The following LRRC8B variants were observed in gnomAD, a reference collection of about 807,000 sequenced individuals.
The protein encoded by LRRC8B is volume-regulated anion channel subunit LRRC8B.
LRRC8B carries 23 observed loss-of-function variants against 58.8 expected under a neutral mutation model. That is an observed-to-expected ratio of 0.39 (90% CI 0.28 to 0.55). The LOEUF (loss-of-function observed/expected upper bound fraction) is 0.55, where lower values mean the gene tolerates loss of function less well. LRRC8B is among the 20% of genes least tolerant of loss of function. The pLI, the probability that LRRC8B is intolerant of heterozygous loss-of-function variation, is 0.62. For missense variants in LRRC8B, 694 were observed against 936.0 expected, an observed-to-expected ratio of 0.74 and a Z score of 3.37; for synonymous variants, 359 against 374.1, an observed-to-expected ratio of 0.96 and a Z score of 0.47.
intron 1 of LRRC8B, among the ~76,000 whole-genome samples, chr1:89,543,499 ATT>A (rs879506629): frequency 2.8e-5 from 4 of 145,270 alleles, no homozygotes; most frequent in African/African-American, 7.5e-5. Context: ...TGAAAAACTG[ATT>A]TTTTTTTTTT....
At chr1:89,552,870 A>G (rs1391363215) in intron 1 of LRRC8B, among the ~76,000 whole-genome samples, 1 of 152,186 alleles carries the variant, frequency 6.6e-6, no homozygotes, top group African/African-American at 2.4e-5. Flanking sequence ...AATTCCTTTT[A>G]TTACTTCCTT....
chr1:89,528,930 A>G (rs1252255271), intron 1 of LRRC8B, among the ~76,000 whole-genome samples: 1 of 152,230 alleles, frequency 6.6e-6, no homozygotes, highest in Non-Finnish European at 1.5e-5. Flanking sequence ...ACTTAGTAAC[A>G]TGACCTCAGG....
chr1:89,527,405 T>C (rs1649780621), intron 1 of LRRC8B, among the ~76,000 whole-genome samples: 1 of 152,222 alleles, frequency 6.6e-6, no homozygotes, highest in Non-Finnish European at 1.5e-5. Context: ...TGTCATGTTA[T>C]TACACACTTG....
chr1:89,587,586 A>C (rs1380550238), intron 5 of LRRC8B, among the ~76,000 whole-genome samples: 2 of 152,208 alleles, frequency 1.3e-5, no homozygotes, highest in African/African-American at 2.4e-5. Context: ...TTAGACATGC[A>C]TATACAAAGA....
At chr1:89,591,856 C>T (rs115321689) in intron 5 of LRRC8B, among the ~76,000 whole-genome samples, 6 of 152,118 alleles carry the variant, frequency 3.9e-5, no homozygotes, top group Non-Finnish European at 7.4e-5. Context: ...TAGGTGGCCC[C>T]TGTCCCCAGC....
chr1:89,527,187 T>G (rs1490499720), intron 1 of LRRC8B, among the ~76,000 whole-genome samples: 2 of 152,252 alleles, frequency 1.3e-5, no homozygotes, highest in Non-Finnish European at 2.9e-5. Flanking sequence ...AGGGTTTTTG[T>G]TTTTGTATTT....
At chr1:89,546,202 G>A (rs1214024671) in intron 1 of LRRC8B, among the ~76,000 whole-genome samples, 1 of 152,154 alleles carries the variant, frequency 6.6e-6, no homozygotes, top group Non-Finnish European at 1.5e-5. Context: ...TTGATGGTGG[G>A]GGAGGATTTG....
At chr1:89,569,684 T>C (rs1653303727) in intron 3 of LRRC8B, among the ~76,000 whole-genome samples, 1 of 152,212 alleles carries the variant, frequency 6.6e-6, no homozygotes. Flanking sequence ...GGTGTATACG[T>C]ATCATATTTT....
intron 1 of LRRC8B, among the ~76,000 whole-genome samples, chr1:89,531,165 T>C (rs530722234): frequency 6.6e-6 from 1 of 152,348 alleles, no homozygotes; most frequent in East Asian, 1.9e-4. Context: ...CCTATTTCAA[T>C]GCTAAAATAA....
At chr1:89,565,041 A>T (rs2100984320) in intron 1 of LRRC8B, among the ~76,000 whole-genome samples, 2 of 152,306 alleles carry the variant, frequency 1.3e-5, no homozygotes, top group Middle Eastern at 6.8e-3. Context: ...AAGCTATCTA[A>T]GGACGTGCAA....
intron 1 of LRRC8B, among the ~76,000 whole-genome samples, chr1:89,531,146 ATTCCTGGCCCT>A (rs1448026140): frequency 1.5e-4 from 23 of 152,236 alleles, no homozygotes; most frequent in African/African-American, 5.1e-4. Flanking sequence ...AACTGAGTTT[ATTCCTGGCCCT>A]ATTTCAATGC....
intron 1 of LRRC8B, among the ~76,000 whole-genome samples, chr1:89,540,035 G>A (rs868659700): frequency 6.6e-6 from 1 of 152,136 alleles, no homozygotes; most frequent in Non-Finnish European, 1.5e-5. Context: ...CTACATGCAT[G>A]TCTATTATTT....
At position 89,584,697 on chromosome 1, in the gene LRRC8B, T is replaced by G. The variant is rs1326196492; in HGVS notation, c.2047T>G (p.Tyr683Asp). Reference protein sequence around the residue: ...LQLFLCTKLHYLDLSYNHLTF... With the variant: ...LQLFLCTKLHDLDLSYNHLTF... The stretch of plus-strand genomic sequence containing the variant: ...GCTTTTCCTATGCACTAAACTACAT[T>G]ATTTGGATCTAAGCTATAACCACTT... Residue 683 changes from tyrosine to aspartate, a missense_variant, in exon 5 of 6, where the codon TAT becomes GAT. Physicochemically the swap from Tyr to Asp is radical, Grantham distance 160. Coordinates refer to ENST00000330947, the MANE Select transcript of LRRC8B (RefSeq NM_001369817.2). 1 of 1,613,810 alleles carries G rather than the reference T, an allele frequency of 6.2e-7. No individual in the cohort carries two copies. The highest frequency in any genetic ancestry group is 8.5e-7 in the Non-Finnish European group (1 of 1,179,946).
At chr1:89,551,456 C>T (rs1022410681) in intron 1 of LRRC8B, among the ~76,000 whole-genome samples, 6 of 152,064 alleles carry the variant, frequency 3.9e-5, no homozygotes, top group African/African-American at 1.4e-4. Context: ...AGAGTTGTTC[C>T]ACTCCACTAT....
At chr1:89,589,071 A>G (rs1013825032) in intron 5 of LRRC8B, among the ~76,000 whole-genome samples, 1 of 152,258 alleles carries the variant, frequency 6.6e-6, no homozygotes, top group African/African-American at 2.4e-5. Context: ...TTAAAAATAT[A>G]TGGAATATTT....
rs1652623111 is a variant in LRRC8B at position 89,561,201 on chromosome 1, GT to G, written c.-240-7044del. 7.2e-5 allele frequency among the ~76,000 whole-genome samples: 11 copies of G among 151,732 alleles called. No homozygotes were observed. In the South Asian group the frequency reaches 2.3e-3, roughly 32 times the overall value. On this transcript the variant is annotated intron_variant, in intron 1 of 5. Coordinates refer to ENST00000330947, the MANE Select transcript of LRRC8B (RefSeq NM_001369817.2). ...AAAGGTCTTCTTTTGAGAAGTGTCT[GT>G]TCATGTCCTTCGCCCACTTTTTGAT... is the stretch of plus-strand genomic sequence containing the variant.
At chr1:89,546,784 T>C (rs556828975) in intron 1 of LRRC8B, among the ~76,000 whole-genome samples, 23 of 152,296 alleles carry the variant, frequency 1.5e-4, no homozygotes, top group East Asian at 1.9e-4. Flanking sequence ...TCCTCCTCCT[T>C]CTTGCTGAAG....
At chr1:89,586,441 G>C (rs1570647724) in intron 5 of LRRC8B, among the ~76,000 whole-genome samples, 1 of 152,130 alleles carries the variant, frequency 6.6e-6, no homozygotes, top group East Asian at 1.9e-4. Flanking sequence ...GTTATACACA[G>C]TTAAATCACT....
chr1:89,582,604 T>C, intron 4 of LRRC8B, 21 bp from the exon 5 acceptor site: 1 of 1,395,438 alleles, frequency 7.2e-7, no homozygotes. Flanking sequence ...CAGTAGTGTT[T>C]CTTTTATTTC....
Sources: gnomAD v4.1 joint callset for allele counts (sites outside exome capture counted in the v4.1 genomes callset) on GRCh38, gnomAD v4.1.1 for gene constraint, MANE v1.5 for transcripts, NCBI Gene and HGNC (gene_info 2026-07-23, HGNC 2026-07-21) for gene names.